The following APPL1 variants were observed in gnomAD, a reference collection of about 807,000 sequenced individuals.
APPL1 encodes the protein DCC-interacting protein 13-alpha.
Under a neutral mutation model 106.8 loss-of-function variants are expected in APPL1, and 42 were observed. That is an observed-to-expected ratio of 0.39 (90% confidence interval 0.31 to 0.51). The LOEUF is 0.51. Ranked by LOEUF, APPL1 falls within the 20% of genes least tolerant of loss-of-function variation. The pLI, the probability that APPL1 is intolerant of heterozygous loss-of-function variation, is 0.75. For missense variants in APPL1, 769 were observed against 858.2 expected (o/e 0.90, Z 1.30); for synonymous variants, 263 against 281.8 (o/e 0.93, Z 0.67).
At chr3:57,234,009 A>G (rs1487557602) in intron 1 of APPL1, among the ~76,000 whole-genome samples, 1 of 152,112 alleles carries the variant, frequency 6.6e-6, no homozygotes, top group East Asian at 1.9e-4. Flanking sequence ...TTTTGAGCTC[A>G]GGAGGTCAAG....
In APPL1 at chr3:57,233,811, T is replaced by C. The variant is rs2060701836; in HGVS notation, c.55-1755T>C. ...AAAATTTTTGGCCATGTGTGGTGGC[T>C]CACACCTGACCTGTAATCCCAGCAC... On this transcript the variant is annotated intron_variant, in intron 1 of 21. Coordinates refer to ENST00000288266, the MANE Select transcript of APPL1 (RefSeq NM_012096.3). 2.6e-5 allele frequency among the ~76,000 whole-genome samples: 4 copies of C among 152,248 alleles called. No homozygotes were observed. In the South Asian group the frequency reaches 8.3e-4, roughly 32 times the overall value.
chr3:57,230,764 C>T (rs1219740872), intron 1 of APPL1: 1 of 456,156 alleles, frequency 2.2e-6, no homozygotes, highest in East Asian at 7.1e-5. Context: ...TTTTAAAGCT[C>T]ATGGTAAGTT....
In APPL1 at chr3:57,246,008, A is replaced by G. The variant is rs959741993; in HGVS notation, c.475-68A>G. The G allele has an allele frequency of 4.2e-6, 5 of 1,186,166 alleles. No individual in the cohort carries two copies. The Admixed American group carries it at 1.5e-4, about 36-fold the overall frequency. The allele number at this position is 1,186,166 out of a possible 1,614,324, so 73.5% of individuals were successfully genotyped here. A position where few individuals can be genotyped will look rare whatever the true frequency, so the allele number is the denominator to read the frequency against. The stretch of plus-strand genomic sequence containing the variant: ...GGCTCTTCTCCACAGCTCCTACTGA[A>G]GATAATACAAAATTAAGTAAATAAT... On this transcript the variant is annotated intron_variant, in intron 7 of 21. Coordinates refer to ENST00000288266, the MANE Select transcript of APPL1 (RefSeq NM_012096.3).
At chr3:57,230,755 T>G (rs1368828885) in intron 1 of APPL1, 1 of 456,854 alleles carries the variant, frequency 2.2e-6, no homozygotes. Flanking sequence ...TATGAAGACT[T>G]TTAAAGCTCA....
At chr3:57,254,377 C>CT (rs1211246939) in intron 13 of APPL1, among the ~76,000 whole-genome samples, 19 of 152,294 alleles carry the variant, frequency 1.2e-4, no homozygotes, top group Middle Eastern at 3.4e-3. Flanking sequence ...AAAACTAAAA[C>CT]TTTAAGTAAC....
chr3:57,244,363 C>A (rs2060761750), intron 7 of APPL1, among the ~76,000 whole-genome samples: 1 of 152,094 alleles, frequency 6.6e-6, no homozygotes, highest in Non-Finnish European at 1.5e-5. Flanking sequence ...ACCATGTTGG[C>A]CAGGCTGGTC....
chr3:57,247,641 C>G (rs1019168652), intron 9 of APPL1, among the ~76,000 whole-genome samples, 164 bp downstream of exon 9: 1 of 151,784 alleles, frequency 6.6e-6, no homozygotes, highest in Non-Finnish European at 1.5e-5. Flanking sequence ...TTTTTAACCT[C>G]TTTTTTCCAC....
At chr3:57,264,345 G>A (rs1272073901) in intron 19 of APPL1, among the ~76,000 whole-genome samples, 1 of 151,808 alleles carries the variant, frequency 6.6e-6, no homozygotes, top group Non-Finnish European at 1.5e-5. Flanking sequence ...TCTTCACTTT[G>A]TTGATTGTTT....
At chr3:57,251,300 G>C (rs992677935) in intron 11 of APPL1, among the ~76,000 whole-genome samples, 1 of 151,406 alleles carries the variant, frequency 6.6e-6, no homozygotes, top group African/African-American at 2.4e-5. Flanking sequence ...AAGGCGGGTG[G>C]ATCACCTGAC....
At chr3:57,246,731 C>T (rs1389075531) in intron 8 of APPL1, among the ~76,000 whole-genome samples, 2 of 152,176 alleles carry the variant, frequency 1.3e-5, no homozygotes, top group East Asian at 1.9e-4. Flanking sequence ...AGGGCAGGCA[C>T]GGTGCCTTAT....
At chr3:57,256,411 G>A (rs2060836388) in intron 13 of APPL1, among the ~76,000 whole-genome samples, 1 of 151,984 alleles carries the variant, frequency 6.6e-6, no homozygotes, top group Non-Finnish European at 1.5e-5. Flanking sequence ...CAATTTTTTG[G>A]TCTGAAAATA....
chr3:57,232,363 C>G (rs137877114), intron 1 of APPL1, among the ~76,000 whole-genome samples: 12 of 152,236 alleles, frequency 7.9e-5, no homozygotes, highest in African/African-American at 2.6e-4. Flanking sequence ...TTGCTATCAG[C>G]CAGGTAGCAG....
At chr3:57,239,010 T>C (rs190725026) in intron 4 of APPL1, among the ~76,000 whole-genome samples, 6 of 152,224 alleles carry the variant, frequency 3.9e-5, no homozygotes, top group African/African-American at 7.2e-5. Context: ...CACAGTTCCA[T>C]GTGGCTGGGG....
At chr3:57,249,638 A>G (rs2060792959) in intron 11 of APPL1, 90 bp downstream of exon 11, 1 of 1,189,142 alleles carries the variant, frequency 8.4e-7, no homozygotes, top group Non-Finnish European at 1.1e-6. Flanking sequence ...AATTTTATGG[A>G]CATTTTAGGT....
At position 57,228,028 on chromosome 3, in the gene APPL1, C is replaced by G; in HGVS notation, c.54+91C>G. 8.5e-7 allele frequency: 1 copy of G among 1,170,470 alleles called. No individual in the cohort carries two copies. Among genetic ancestry groups the G allele is most frequent in the Non-Finnish European group, 1.1e-6 (1 of 901,960 alleles). 72.5% of individuals were successfully genotyped at this position (1,170,470 alleles called of 1,614,324 possible). A position where few individuals can be genotyped will look rare whatever the true frequency, so the allele number is the denominator to read the frequency against. ...CCGCGGCTCCCGCAGGTGCCCGCCC[C>G]GGCCCAGGTGGGGGCCGCCGCCGCC... On this transcript the variant is annotated intron_variant, in intron 1 of 21. Transcript: ENST00000288266. The surrounding 1 kb of genome is among the most constrained non-coding windows in gnomAD (Gnocchi z 4.6).
intron 21 of APPL1, 24 bp downstream of exon 21, chr3:57,268,511 CT>C: frequency 6.4e-7 from 1 of 1,556,498 alleles, no homozygotes; most frequent in Non-Finnish European, 8.6e-7. Context: ...ATGTCTGGAT[CT>C]TTATGTGTTG....
chr3:57,246,048 T>C, intron 7 of APPL1, 28 bp from the exon 8 acceptor site: 1 of 1,504,436 alleles, frequency 6.6e-7, no homozygotes, highest in Non-Finnish European at 8.9e-7. Context: ...GATTATTTAC[T>C]TAATTATTTA....
intron 1 of APPL1, among the ~76,000 whole-genome samples, chr3:57,234,485 A>C (rs2060705566): frequency 6.6e-6 from 1 of 151,214 alleles, no homozygotes; most frequent in African/African-American, 2.4e-5. Flanking sequence ...TTTTTAGTAG[A>C]GATGGGGTTT....
At chr3:57,242,756 T>C in intron 6 of APPL1, 100 bp from the exon 7 acceptor site, 2 of 850,024 alleles carry the variant, frequency 2.4e-6, no homozygotes, top group Non-Finnish European at 3.8e-6. Flanking sequence ...ATTCTTGCTT[T>C]AGTACGTTTG....
Sources: allele counts gnomAD v4.1 joint callset (sites outside exome capture counted in the v4.1 genomes callset), GRCh38; gene constraint gnomAD v4.1.1; non-coding constraint Gnocchi (gnomAD v3.1); transcripts MANE v1.5; gene names NCBI Gene and HGNC (gene_info 2026-07-23, HGNC 2026-07-21).